The following SPIDR variants were observed in gnomAD, a reference collection of about 807,000 sequenced individuals.
SPIDR encodes scaffold protein involved in DNA repair, also known as DNA repair-scaffolding protein.
In SPIDR, 93 loss-of-function variants were observed where a neutral mutation model predicts 104.6. That is an observed-to-expected ratio of 0.89 (90% CI 0.75 to 1.06). SPIDR has a LOEUF of 1.06. Ranked by LOEUF, SPIDR falls within the 50% of genes least tolerant of loss-of-function variation. The pLI, the probability that SPIDR is intolerant of heterozygous loss-of-function variation, is 0.00. For missense variants in SPIDR, 1,154 were observed against 1,111.2 expected (o/e 1.04, Z -0.55); for synonymous variants, 431 against 416.9 (o/e 1.03, Z -0.41).
At chr8:47,628,707 C>G (rs1277849526) in intron 10 of SPIDR, among the ~76,000 whole-genome samples, 1 of 152,116 alleles carries the variant, frequency 6.6e-6, no homozygotes, top group Non-Finnish European at 1.5e-5. Context: ...AAACTCCTGT[C>G]CCAAGCAATT....
At chr8:47,409,178 C>T (rs1260030566) in intron 7 of SPIDR, among the ~76,000 whole-genome samples, 1 of 151,996 alleles carries the variant, frequency 6.6e-6, no homozygotes, top group Non-Finnish European at 1.5e-5. Context: ...GAGTGAGACT[C>T]TGTCTCAAAA....
rs1226529146 is a variant in SPIDR at position 47,287,150 on chromosome 8, G to A, written c.256+3056G>A. Among the ~76,000 whole-genome samples, 15 of 152,238 alleles carry A rather than the reference G, an allele frequency of 9.9e-5. No individual in the cohort carries two copies. The East Asian group carries it at 2.7e-3, about 27-fold the overall frequency. On this transcript the variant is annotated intron_variant, in intron 3 of 19. Coordinates refer to ENST00000297423, the MANE Select transcript of SPIDR (RefSeq NM_001080394.4). ...TAAGGACTTCAAAAGGGGAGGGGGTGTACGAACAGGGAGTAGGTCACAAAG... is the reference window on the plus strand; with the variant it reads ...TAAGGACTTCAAAAGGGGAGGGGGTATACGAACAGGGAGTAGGTCACAAAG...
chr8:47,517,183 C>A (rs1375176104), intron 8 of SPIDR, among the ~76,000 whole-genome samples: 1 of 152,008 alleles, frequency 6.6e-6, no homozygotes. Flanking sequence ...ACAGATTTTC[C>A]CCAAGTTGGC....
At chr8:47,267,722 A>G (rs1489391860) in intron 1 of SPIDR, among the ~76,000 whole-genome samples, 1 of 152,230 alleles carries the variant, frequency 6.6e-6, no homozygotes, top group Non-Finnish European at 1.5e-5. Flanking sequence ...TGGAATCACG[A>G]GTTCTTTAAA....
At chr8:47,591,875 G>T (rs1158623276) in intron 8 of SPIDR, among the ~76,000 whole-genome samples, 1 of 151,958 alleles carries the variant, frequency 6.6e-6, no homozygotes, top group Non-Finnish European at 1.5e-5. Context: ...CCAGGATGGG[G>T]GAAGTAAATA....
At chr8:47,536,148 A>G (rs79062573) in intron 8 of SPIDR, among the ~76,000 whole-genome samples, 2,029 of 152,168 alleles carry the variant, frequency 0.013, 48 homozygotes, top group African/African-American at 0.046. Context: ...GAAGAAATCA[A>G]AGAAGAGCTA....
intron 5 of SPIDR, among the ~76,000 whole-genome samples, chr8:47,395,909 AC>A (rs2061193277): frequency 6.6e-6 from 1 of 152,196 alleles, no homozygotes. Context: ...CTTTATCTTT[AC>A]CCTTGGGGAC....
chr8:47,723,481 G>C (rs908694548), intron 16 of SPIDR, among the ~76,000 whole-genome samples: 6 of 146,698 alleles, frequency 4.1e-5, no homozygotes, highest in Non-Finnish European at 7.4e-5. Context: ...CCAGGCTGGA[G>C]TGCAGTGGTG....
At chr8:47,501,235 T>G (rs1340445002) in intron 8 of SPIDR, among the ~76,000 whole-genome samples, 2 of 152,168 alleles carry the variant, frequency 1.3e-5, no homozygotes, top group Non-Finnish European at 2.9e-5. Flanking sequence ...ACCTTGGGCA[T>G]CATGGCCATT....
intron 5 of SPIDR, among the ~76,000 whole-genome samples, chr8:47,294,653 C>A (rs1044701720): frequency 7.2e-5 from 11 of 152,126 alleles, no homozygotes; most frequent in Admixed American, 5.2e-4. Context: ...TATTTAGAGA[C>A]AGGGTCTTGC....
At chr8:47,610,613 T>G (rs537904770) in intron 10 of SPIDR, among the ~76,000 whole-genome samples, 2 of 152,306 alleles carry the variant, frequency 1.3e-5, no homozygotes, top group South Asian at 4.1e-4. Flanking sequence ...GGCTCACCCT[T>G]GTTGTGCTGA....
chr8:47,546,303 A>G lies in SPIDR; in HGVS notation c.1098-49508A>G, dbSNP rs542490955. Reference sequence around the variant, plus strand: ...TACTTAGTAGTCATAGGGCTATTCAAATAATCAGTTTTATATTGGGTGACT... The same window carrying G: ...TACTTAGTAGTCATAGGGCTATTCAGATAATCAGTTTTATATTGGGTGACT... On this transcript the variant is annotated intron_variant, in intron 8 of 19. Coordinates refer to ENST00000297423, the MANE Select transcript of SPIDR (RefSeq NM_001080394.4). Among the ~76,000 whole-genome samples the G allele has an allele frequency of 5.3e-5, 8 of 152,296 alleles. No homozygotes were observed. The South Asian group carries it at 1.4e-3, about 28-fold the overall frequency.
intron 5 of SPIDR, among the ~76,000 whole-genome samples, chr8:47,297,944 A>T (rs1012303765): frequency 1.3e-5 from 2 of 152,288 alleles, no homozygotes; most frequent in Middle Eastern, 3.4e-3. Flanking sequence ...TCATAGCAGC[A>T]TATTTTGTAA....
chr8:47,610,452 T>C (rs568081719), intron 10 of SPIDR, among the ~76,000 whole-genome samples: 38 of 152,318 alleles, frequency 2.5e-4, no homozygotes, highest in African/African-American at 9.1e-4. Context: ...AGATCAAGCC[T>C]GACCCAACTT....
intron 7 of SPIDR, among the ~76,000 whole-genome samples, chr8:47,435,978 C>T (rs550690624): frequency 3.9e-5 from 6 of 152,278 alleles, no homozygotes; most frequent in African/African-American, 1.4e-4. Flanking sequence ...TTTCAGTTTT[C>T]TCATCTGCCA....
At chr8:47,389,860 T>A (rs2060375258) in intron 5 of SPIDR, among the ~76,000 whole-genome samples, 1 of 152,114 alleles carries the variant, frequency 6.6e-6, no homozygotes, top group Non-Finnish European at 1.5e-5. Context: ...CGGGTCTTTC[T>A]TCTGTCACTT....
intron 9 of SPIDR, among the ~76,000 whole-genome samples, chr8:47,596,339 C>T (rs1015374636): frequency 1.3e-5 from 2 of 152,226 alleles, no homozygotes; most frequent in East Asian, 1.9e-4. Context: ...ACCATCATAG[C>T]GTGCACTTAC....
At chr8:47,346,169 A>G (rs1429873577) in intron 5 of SPIDR, among the ~76,000 whole-genome samples, 1 of 152,188 alleles carries the variant, frequency 6.6e-6, no homozygotes, top group African/African-American at 2.4e-5. Flanking sequence ...AGTTTTTAGC[A>G]TGAAGTACTG....
intron 11 of SPIDR, among the ~76,000 whole-genome samples, chr8:47,684,142 A>C (rs976554245): frequency 5.9e-5 from 9 of 151,500 alleles, no homozygotes; most frequent in African/African-American, 9.7e-5. Context: ...AAAAAAAAAA[A>C]AAAAAAAAAC....
Sources: gnomAD v4.1 joint callset for allele counts (sites outside exome capture counted in the v4.1 genomes callset) on GRCh38, gnomAD v4.1.1 for gene constraint, MANE v1.5 for transcripts, NCBI Gene and HGNC (gene_info 2026-07-23, HGNC 2026-07-21) for gene names.